The following WDPCP variants were observed in gnomAD, a reference collection of about 807,000 sequenced individuals.
The protein encoded by WDPCP is WD repeat containing planar cell polarity effector.
WDPCP carries 71 observed loss-of-function variants against 93.1 expected under a neutral mutation model. The observed-to-expected ratio is 0.76, with a 90% CI of 0.63 to 0.93. The LOEUF is 0.93. Among genes scored for constraint, WDPCP ranks in the 40% least tolerant of loss-of-function variants. The pLI, the probability that WDPCP is intolerant of heterozygous loss-of-function variation, is 0.00. For missense variants in WDPCP, 844 were observed against 887.4 expected (o/e 0.95, Z 0.62); for synonymous variants, 315 against 315.0 (o/e 1.00, Z 0.00).
chr2:63,454,122 TA>T (rs200833362), intron 6 of WDPCP, among the ~76,000 whole-genome samples: 2,472 of 143,708 alleles, frequency 0.017, 76 homozygotes, highest in African/African-American at 0.059. Flanking sequence ...ATATATATAT[TA>T]AAAAAAAGAA....
intron 17 of WDPCP, among the ~76,000 whole-genome samples, chr2:63,130,496 T>G (rs1195270646): frequency 6.6e-6 from 1 of 152,162 alleles, no homozygotes; most frequent in Non-Finnish European, 1.5e-5. Context: ...TAGCACCATA[T>G]TTTGATTACT....
chr2:63,305,959 A>C (rs935457668), intron 13 of WDPCP, among the ~76,000 whole-genome samples: 9 of 152,184 alleles, frequency 5.9e-5, no homozygotes, highest in Admixed American at 2.6e-4. Context: ...TGAATCCAGG[A>C]CCTATTTGAA....
chr2:63,266,245 C>T (rs186589387), intron 13 of WDPCP, among the ~76,000 whole-genome samples: 4 of 152,058 alleles, frequency 2.6e-5, no homozygotes, highest in African/African-American at 9.6e-5. Flanking sequence ...ATCTTACATA[C>T]AGAAAAAACA....
chr2:63,774,673 A>G (rs1222944267), intron 2 of WDPCP, among the ~76,000 whole-genome samples: 1 of 152,164 alleles, frequency 6.6e-6, no homozygotes, highest in East Asian at 1.9e-4. Flanking sequence ...AATTGCAGTG[A>G]CTTGGCCAAC....
chr2:63,230,380 G>C (rs1678749062), intron 14 of WDPCP, among the ~76,000 whole-genome samples: 1 of 152,038 alleles, frequency 6.6e-6, no homozygotes, highest in Non-Finnish European at 1.5e-5. Context: ...ATTGTGAATA[G>C]TGCCACAATA....
intron 2 of WDPCP, among the ~76,000 whole-genome samples, chr2:63,657,495 C>T (rs1364978845): frequency 2.0e-5 from 3 of 152,130 alleles, no homozygotes; most frequent in South Asian, 2.1e-4. Context: ...CGTGAGTCAC[C>T]GCGGCGCCCG....
intron 2 of WDPCP, among the ~76,000 whole-genome samples, chr2:63,811,846 T>G (rs1008217070): frequency 6.6e-6 from 1 of 152,104 alleles, no homozygotes; most frequent in African/African-American, 2.4e-5. Context: ...CACTTACAAG[T>G]AAGAACATAC....
intron 2 of WDPCP, among the ~76,000 whole-genome samples, chr2:63,756,015 T>A (rs968420953): frequency 1.3e-5 from 2 of 152,370 alleles, no homozygotes; most frequent in South Asian, 2.1e-4. Flanking sequence ...AAAGATTTTT[T>A]AATTAGTTTT....
At chr2:63,516,583 G>A (rs151241516) in intron 1 of WDPCP, among the ~76,000 whole-genome samples, 110 of 152,194 alleles carry the variant, frequency 7.2e-4, no homozygotes, top group African/African-American at 2.5e-3. Flanking sequence ...AAGAGGAGGG[G>A]ATGCTGGACT....
chr2:63,445,162 AC>A (rs2105574024), intron 6 of WDPCP, among the ~76,000 whole-genome samples: 1 of 139,892 alleles, frequency 7.1e-6, no homozygotes, highest in Non-Finnish European at 1.6e-5. Context: ...AAAAAAAAAC[AC>A]GTAAGTGCCT....
intron 2 of WDPCP, among the ~76,000 whole-genome samples, chr2:63,699,780 C>G (rs1023852093): frequency 2.0e-5 from 3 of 152,200 alleles, no homozygotes; most frequent in African/African-American, 7.2e-5. Flanking sequence ...TTGTAACATG[C>G]ACTCTGATTT....
At chr2:63,320,328 A>C (rs1336338388) in intron 12 of WDPCP, among the ~76,000 whole-genome samples, 1 of 152,190 alleles carries the variant, frequency 6.6e-6, no homozygotes, top group East Asian at 1.9e-4. Flanking sequence ...AGACTAAAAG[A>C]AGCTCTTTAG....
chr2:63,686,506 CCTACTACCCAA>C (rs1178392698), intron 2 of WDPCP, among the ~76,000 whole-genome samples: 1 of 152,086 alleles, frequency 6.6e-6, no homozygotes, highest in African/African-American at 2.4e-5. Context: ...GTTAAAATGT[CCTACTACCCAA>C]AGTAATCTGC....
chr2:63,290,699 TTTTAGTTTTG>T (rs1294003946), intron 13 of WDPCP, among the ~76,000 whole-genome samples: 1 of 152,122 alleles, frequency 6.6e-6, no homozygotes, highest in Non-Finnish European at 1.5e-5. Flanking sequence ...GAGTTGAGAG[TTTTAGTTTTG>T]TTTAGCATGT....
intron 2 of WDPCP, among the ~76,000 whole-genome samples, chr2:63,750,905 A>G (rs1669869098): frequency 6.6e-6 from 1 of 152,066 alleles, no homozygotes; most frequent in Non-Finnish European, 1.5e-5. Context: ...TTTTATGTCT[A>G]TGTTCATGGA....
At chr2:63,200,198 C>CAAAAA (rs547078214) in intron 14 of WDPCP, among the ~76,000 whole-genome samples, 71 of 151,882 alleles carry the variant, frequency 4.7e-4, no homozygotes, top group African/African-American at 1.6e-3. Flanking sequence ...AGGGACTTGT[C>CAAAAA]TTTTTTAAGA....
chr2:63,810,026 C>T (rs551841120), intron 2 of WDPCP, among the ~76,000 whole-genome samples: 2 of 152,198 alleles, frequency 1.3e-5, no homozygotes, highest in East Asian at 1.9e-4. Context: ...TAGTCAGAAT[C>T]CACACTACTC....
chr2:63,634,387 G>C (rs1444968142), intron 3 of WDPCP, among the ~76,000 whole-genome samples: 1 of 152,134 alleles, frequency 6.6e-6, no homozygotes, highest in African/African-American at 2.4e-5. Context: ...CAATATTAAA[G>C]GCCTAAAGGG....
chr2:63,462,759 G>C (rs143586929), intron 6 of WDPCP, among the ~76,000 whole-genome samples: 1 of 152,232 alleles, frequency 6.6e-6, no homozygotes, highest in Non-Finnish European at 1.5e-5. Flanking sequence ...GTTGGATAAA[G>C]AAGAGGATAA....
Sources: allele counts gnomAD v4.1 joint callset (sites outside exome capture counted in the v4.1 genomes callset), GRCh38; gene constraint gnomAD v4.1.1; transcripts MANE v1.5; gene names NCBI Gene and HGNC (gene_info 2026-07-23, HGNC 2026-07-21).